LCTL: variants seen among roughly 807,000 people sequenced by gnomAD.
LCTL encodes the protein lactase-like protein.
A neutral mutation model predicts 75.8 loss-of-function variants in LCTL; 76 were observed. The observed-to-expected ratio is 1.00, with a 90% CI of 0.83 to 1.21. The LOEUF is 1.21. Ranked by LOEUF, LCTL falls within the 50% of genes most tolerant of loss-of-function variation. The pLI is 0.00. For synonymous variants in LCTL, 271 were observed against 268.8 expected, an observed-to-expected ratio of 1.01 and a Z score of -0.08; for missense variants, 670 against 712.4, an observed-to-expected ratio of 0.94 and a Z score of 0.68.
At chr15:66,564,892 GCCAGGACTCTGGGCTGTGCCT>G in intron 1 of LCTL, 53 bp from the exon 3 acceptor site, 1 of 1,560,170 alleles carries the variant, frequency 6.4e-7, no homozygotes, top group Middle Eastern at 1.7e-4. Context: ...GTCACCCAGA[GCCAGGACTCTGGGCTGTGCCT>G]CCCAGGCCTC....
chr15:66,549,449 C>T (rs1204433291), intron 12 of LCTL: 1 of 152,210 alleles, frequency 6.6e-6, no homozygotes, highest in East Asian at 1.9e-4. Context: ...TCTGATTGCC[C>T]TTATGGAGAA....
At chr15:66,564,973 C>T (rs1462394563) in intron 1 of LCTL, 134 bp from the exon 3 acceptor site, 11 of 828,756 alleles carry the variant, frequency 1.3e-5, no homozygotes, top group Non-Finnish European at 1.9e-5. Flanking sequence ...GGGGACTTGT[C>T]TTCCTAGGAG....
In LCTL at chr15:66,552,100, A is replaced by G. The variant is rs761943409; in HGVS notation, c.1267T>C (p.Leu423=). ...TATTGAATTCTCCACTCATCACATAATTGAGTACAGTGGAATTTTTGAGAT... is the reference window on the plus strand; with the variant it reads ...TATTGAATTCTCCACTCATCACATAGTTGAGTACAGTGGAATTTTTGAGAT... The change falls in exon 10 of 13, where the codon TTA becomes CTA. Residue 423 remains leucine, a synonymous_variant. Coordinates refer to ENST00000341509, the Ensembl canonical transcript of LCTL. 3 of 1,611,550 alleles carry G rather than the reference A, an allele frequency of 1.9e-6. No individual in the cohort carries two copies. In the South Asian group the frequency reaches 3.3e-5, roughly 18 times the overall value.
exon 5 of LCTL, chr15:66,561,298 G>A (rs146069638): frequency 2.4e-5 from 38 of 1,614,074 alleles, no homozygotes; most frequent in African/African-American, 1.6e-4. Flanking sequence ...GCCACCCACC[G>A]TATTTGACCT....
At chr15:66,551,302 G>A (rs1405585214) in intron 11 of LCTL, among the ~76,000 whole-genome samples, 2 of 124,230 alleles carry the variant, frequency 1.6e-5, no homozygotes, top group African/African-American at 6.3e-5. Flanking sequence ...AGCCGAGATC[G>A]CACTACTGCA....
rs1339395333 is a variant in LCTL, at chr15:66,557,593, G to C, written c.922+129C>G. On this transcript the variant is annotated intron_variant, in intron 8 of 12. Transcript: ENST00000341509. ...CAAATGTCTGGTTCTCAATTCTTTTGAGTCTGGATTATCCCTTGAGTACCT... is the reference window on the plus strand; with the variant it reads ...CAAATGTCTGGTTCTCAATTCTTTTCAGTCTGGATTATCCCTTGAGTACCT... 3 of 843,132 alleles carry C rather than the reference G, an allele frequency of 3.6e-6. No individual in the cohort carries two copies. In the African/African-American group the frequency reaches 5.1e-5, roughly 14 times the overall value. 52.2% of individuals were successfully genotyped at this position (843,132 alleles called of 1,614,324 possible). A position where few individuals can be genotyped will look rare whatever the true frequency, so the allele number is the denominator to read the frequency against.
At chr15:66,553,888 G>T (rs968563196) in intron 8 of LCTL, among the ~76,000 whole-genome samples, 5 of 152,130 alleles carry the variant, frequency 3.3e-5, no homozygotes, top group Admixed American at 2.6e-4. Flanking sequence ...GGGTGCAATG[G>T]CTCACGCCTG....
chr15:66,563,731 G>A (rs1022421010), intron 3 of LCTL, 106 bp from the exon 5 acceptor site: 18 of 906,102 alleles, frequency 2.0e-5, no homozygotes, highest in Non-Finnish European at 2.9e-5. Context: ...AAGGCCTGAG[G>A]CACCCTCAGC....
chr15:66,564,171 G>T, intron 2 of LCTL, 173 bp from the exon 4 acceptor site: 1 of 608,076 alleles, frequency 1.6e-6, no homozygotes. Context: ...CTTCATGCAG[G>T]GGATATGCCA....
chr15:66,553,093 T>C, exon 9 of LCTL: 7 of 1,610,884 alleles, frequency 4.3e-6, no homozygotes, highest in Non-Finnish European at 5.9e-6. Flanking sequence ...ACGATCGTTC[T>C]GGTAGCTGGG....
rs778088311 is a variant in LCTL, at chr15:66,548,456, T to G, written c.*34A>C. Reference sequence around the variant, plus strand: ...GAAAAGGGAGGAAGATCCTGAAGATTCTCTTATGAAGCTCCAAAATTGATA... The same window carrying G: ...GAAAAGGGAGGAAGATCCTGAAGATGCTCTTATGAAGCTCCAAAATTGATA... On this transcript the variant is annotated 3_prime_UTR_variant, in exon 13 of 13. Coordinates refer to ENST00000341509, the Ensembl canonical transcript of LCTL. The G allele has an allele frequency of 2.5e-6, 3 of 1,183,634 alleles. No individual in the cohort carries two copies. In the Admixed American group the frequency reaches 5.3e-5, roughly 21 times the overall value. 73.3% of individuals were successfully genotyped at this position (1,183,634 alleles called of 1,614,324 possible). A position where few individuals can be genotyped will look rare whatever the true frequency, so the allele number is the denominator to read the frequency against.
chr15:66,554,332 A>G (rs1895693061), intron 8 of LCTL, among the ~76,000 whole-genome samples: 1 of 149,138 alleles, frequency 6.7e-6, no homozygotes, highest in Non-Finnish European at 1.5e-5. Flanking sequence ...GGTGGTGGGC[A>G]TCTGTAATCC....
intron 8 of LCTL, among the ~76,000 whole-genome samples, chr15:66,554,213 G>C (rs891517446): frequency 4.0e-5 from 6 of 150,518 alleles, no homozygotes; most frequent in Admixed American, 3.3e-4. Context: ...GTCGCTTGAA[G>C]CCGGGAGGTG....
chr15:66,550,103 A>C, exon 12 of LCTL: 2 of 1,593,784 alleles, frequency 1.3e-6, no homozygotes, highest in Non-Finnish European at 1.7e-6. Context: ...CCAACTTTCC[A>C]CCTAATAAAA....
chr15:66,548,800 T>G (rs1895481175), intron 12 of LCTL, 195 bp from the exon 14 acceptor site: 1 of 379,778 alleles, frequency 2.6e-6, no homozygotes, highest in Non-Finnish European at 4.8e-6. Flanking sequence ...GCTTTGTAAA[T>G]ATTTCAGAAA....
At chr15:66,564,518 C>T in intron 2 of LCTL, 158 bp downstream of exon 3, 2 of 813,256 alleles carry the variant, frequency 2.5e-6, no homozygotes, top group South Asian at 1.9e-5. Context: ...TGGCCCTGCC[C>T]CCTCTGGCTG....
chr15:66,555,733 G>A (rs552780695), intron 8 of LCTL, among the ~76,000 whole-genome samples: 31 of 152,164 alleles, frequency 2.0e-4, no homozygotes, highest in African/African-American at 7.0e-4. Context: ...ACTAGCAACA[G>A]AATAAAAAAC....
chr15:66,547,768 G>A (rs1021307092), exon 13 of LCTL: 3 of 152,070 alleles, frequency 2.0e-5, no homozygotes, highest in Non-Finnish European at 4.4e-5. Context: ...CAACCTGGAA[G>A]GATTGTTATC....
At chr15:66,556,137 C>T (rs944197924) in intron 8 of LCTL, among the ~76,000 whole-genome samples, 15 of 152,134 alleles carry the variant, frequency 9.9e-5, no homozygotes, top group Admixed American at 9.8e-4. Flanking sequence ...TCATATGACC[C>T]AGCAATTCTA....
Sources: gnomAD v4.1 joint callset for allele counts (sites outside exome capture counted in the v4.1 genomes callset) on GRCh38, gnomAD v4.1.1 for gene constraint, MANE v1.5 for transcripts, NCBI Gene and HGNC (gene_info 2026-07-23, HGNC 2026-07-21) for gene names.